Variants in AUTS2 observed in about 807,000 individuals in gnomAD.
AUTS2 encodes the protein autism susceptibility gene 2 protein.
Under a neutral mutation model 112.4 loss-of-function variants are expected in AUTS2, and 17 were observed. That is an observed-to-expected ratio of 0.15 (90% CI 0.10 to 0.23). The LOEUF (loss-of-function observed/expected upper bound fraction) is 0.23. Among genes scored for constraint, AUTS2 ranks in the 10% least tolerant of loss-of-function variants. The pLI, the probability that AUTS2 is intolerant of heterozygous loss-of-function variation, is 1.00. For missense variants in AUTS2, 1,510 were observed against 1,701.6 expected, an observed-to-expected ratio of 0.89 and a Z score of 1.98; for synonymous variants, 751 against 702.7, an observed-to-expected ratio of 1.07 and a Z score of -1.09.
intron 4 of AUTS2, among the ~76,000 whole-genome samples, chr7:70,181,039 C>A (rs1809269891): frequency 6.6e-6 from 1 of 152,080 alleles, no homozygotes; most frequent in Non-Finnish European, 1.5e-5. Context: ...ATATAGTATG[C>A]TTATATTTTG....
chr7:69,600,408 CGTGTGTGTGTGTGTGTGTGT>C (rs113179115), intron 1 of AUTS2, among the ~76,000 whole-genome samples: 1 of 143,306 alleles, frequency 7.0e-6, no homozygotes, highest in Admixed American at 7.0e-5. Context: ...GTCATATGTT[CGTGTGTGTGTGTGTGTGTGT>C]GTGTGTGTGT....
At chr7:70,770,979 G>GAGAA (rs1790300950) in intron 10 of AUTS2, among the ~76,000 whole-genome samples, 1 of 151,152 alleles carries the variant, frequency 6.6e-6, no homozygotes, top group Non-Finnish European at 1.5e-5. Flanking sequence ...TTTTAGATGA[G>GAGAA]AGAATTAAAT....
chr7:69,703,429 A>G (rs987586824), intron 1 of AUTS2, among the ~76,000 whole-genome samples: 7 of 152,232 alleles, frequency 4.6e-5, no homozygotes, highest in African/African-American at 1.7e-4. Flanking sequence ...AAATGCCTGA[A>G]TATCCACCAC....
At chr7:70,754,612 T>A (rs1789074073) in intron 6 of AUTS2, among the ~76,000 whole-genome samples, 1 of 152,254 alleles carries the variant, frequency 6.6e-6, no homozygotes, top group Non-Finnish European at 1.5e-5. Context: ...CCCTTATTAA[T>A]GTTCGCACTT....
intron 2 of AUTS2, among the ~76,000 whole-genome samples, chr7:69,976,868 C>T (rs1798080841): frequency 6.6e-6 from 1 of 152,170 alleles, no homozygotes; most frequent in Admixed American, 6.5e-5. Flanking sequence ...GGTTTGGAAA[C>T]ATTTTTTCCC....
intron 4 of AUTS2, among the ~76,000 whole-genome samples, chr7:70,195,920 C>T (rs1045171057): frequency 6.0e-5 from 9 of 150,868 alleles, no homozygotes; most frequent in African/African-American, 2.0e-4. Flanking sequence ...TGTTACTACT[C>T]AGAGTAATAA....
At chr7:69,835,532 T>A (rs1283867860) in intron 1 of AUTS2, among the ~76,000 whole-genome samples, 4 of 152,152 alleles carry the variant, frequency 2.6e-5, no homozygotes, top group African/African-American at 9.7e-5. Context: ...GAGATAGGTC[T>A]TTTGATTCAG....
intron 5 of AUTS2, among the ~76,000 whole-genome samples, chr7:70,467,510 T>G (rs1421113886): frequency 6.6e-6 from 1 of 152,216 alleles, no homozygotes; most frequent in Non-Finnish European, 1.5e-5. Flanking sequence ...GATGCCATAT[T>G]GGAGGCATAA....
chr7:69,754,696 C>CA (rs777144054), intron 1 of AUTS2, among the ~76,000 whole-genome samples: 8 of 152,244 alleles, frequency 5.3e-5, no homozygotes, highest in Non-Finnish European at 8.8e-5. Context: ...AAATGACATT[C>CA]GAGTTCCTGT....
intron 2 of AUTS2, among the ~76,000 whole-genome samples, chr7:69,926,490 T>C (rs992333041): frequency 1.3e-4 from 20 of 148,766 alleles, no homozygotes; most frequent in Admixed American, 6.8e-4. Context: ...TATCTATCTA[T>C]CTGCCTGCCT....
intron 3 of AUTS2, among the ~76,000 whole-genome samples, chr7:70,126,398 G>C (rs899791865): frequency 6.6e-6 from 1 of 152,100 alleles, no homozygotes; most frequent in Non-Finnish European, 1.5e-5. Flanking sequence ...GACAGAGTGA[G>C]ACTCTGTCTT....
chr7:70,453,366 A>C (rs142082426), intron 5 of AUTS2, among the ~76,000 whole-genome samples: 171 of 152,340 alleles, frequency 1.1e-3, no homozygotes, highest in African/African-American at 4.0e-3. Flanking sequence ...AATCTCTGTC[A>C]GTCCTTCCTA....
At chr7:70,265,811 A>G (rs1423583203) in intron 4 of AUTS2, among the ~76,000 whole-genome samples, 2 of 152,252 alleles carry the variant, frequency 1.3e-5, no homozygotes, top group African/African-American at 4.8e-5. Context: ...TATAACTTAA[A>G]TGTGGTTCAT....
At chr7:70,427,421 A>C (rs1795481480) in intron 4 of AUTS2, among the ~76,000 whole-genome samples, 2 of 152,236 alleles carry the variant, frequency 1.3e-5, no homozygotes, top group South Asian at 4.1e-4. Flanking sequence ...TACTTGGCAA[A>C]ATGTGACTTC....
At chr7:70,769,866 G>C (rs2129558031) in intron 10 of AUTS2, among the ~76,000 whole-genome samples, 1 of 152,248 alleles carries the variant, frequency 6.6e-6, no homozygotes, top group East Asian at 1.9e-4. Context: ...GGCGCTTCAG[G>C]TTTTTAGTCA....
chr7:69,836,414 CT>C (rs1436807081), intron 1 of AUTS2, among the ~76,000 whole-genome samples: 3 of 152,114 alleles, frequency 2.0e-5, no homozygotes, highest in African/African-American at 7.2e-5. Flanking sequence ...ACAATTTTAT[CT>C]TTTTGTAGTA....
chr7:70,059,122 A>G (rs922888395), intron 2 of AUTS2, among the ~76,000 whole-genome samples: 2 of 152,210 alleles, frequency 1.3e-5, no homozygotes, highest in Admixed American at 6.5e-5. Context: ...CCATTATGGT[A>G]TCACACAAAA....
At chr7:70,544,096 G>T (rs1010158165) in intron 5 of AUTS2, among the ~76,000 whole-genome samples, 1 of 152,140 alleles carries the variant, frequency 6.6e-6, no homozygotes, top group East Asian at 1.9e-4. Context: ...TCTCCAAAAG[G>T]CTCTAAATGA....
intron 5 of AUTS2, among the ~76,000 whole-genome samples, chr7:70,695,482 C>T (rs1280149703): frequency 6.6e-6 from 1 of 152,232 alleles, no homozygotes; most frequent in African/African-American, 2.4e-5. Context: ...GAGATCTGGG[C>T]TCGGGTTCGG....
Sources: gnomAD v4.1 joint callset for allele counts (sites outside exome capture counted in the v4.1 genomes callset) on GRCh38, gnomAD v4.1.1 for gene constraint, MANE v1.5 for transcripts, NCBI Gene and HGNC (gene_info 2026-07-23, HGNC 2026-07-21) for gene names.